PPFIA3: variants seen among roughly 807,000 people sequenced by gnomAD.
PPFIA3 encodes liprin-alpha-3.
In PPFIA3, 26 loss-of-function variants were observed where a neutral mutation model predicts 145.8. The observed-to-expected ratio is 0.18, with a 90% CI of 0.13 to 0.25. PPFIA3 has a LOEUF of 0.25. Among genes scored for constraint, PPFIA3 ranks in the 10% least tolerant of loss-of-function variants. The pLI is 1.00. For synonymous variants in PPFIA3, 645 were observed against 661.4 expected, an observed-to-expected ratio of 0.98 and a Z score of 0.38; for missense variants, 1,008 against 1,587.8, an observed-to-expected ratio of 0.63 and a Z score of 6.21.
intron 1 of PPFIA3, among the ~76,000 whole-genome samples, chr19:49,124,907 A>G (rs1193534054): frequency 6.6e-6 from 1 of 152,110 alleles, no homozygotes; most frequent in Non-Finnish European, 1.5e-5. Flanking sequence ...TACTAAACAT[A>G]CAAAAAATAA....
intron 1 of PPFIA3, among the ~76,000 whole-genome samples, chr19:49,125,941 T>TTGTA (rs2040991977): frequency 1.3e-5 from 2 of 149,240 alleles, no homozygotes; most frequent in East Asian, 3.9e-4. Context: ...TTGTTTTTTT[T>TTGTA]TGTTTGTTTG....
chr19:49,135,147 T>C (rs1215079448), intron 13 of PPFIA3, among the ~76,000 whole-genome samples: 1 of 152,086 alleles, frequency 6.6e-6, no homozygotes, highest in Non-Finnish European at 1.5e-5. Context: ...GTTCAAGCGA[T>C]TCTCGTGCCT....
At position 49,135,962 on chromosome 19, in the gene PPFIA3, T is replaced by C. The variant is rs893259689; in HGVS notation, c.1665+39T>C. The C allele has an allele frequency of 3.3e-6, 5 of 1,535,490 alleles. No homozygotes were observed. The African/African-American group carries it at 5.6e-5, about 17-fold the overall frequency. On this transcript the variant is annotated intron_variant, in intron 14 of 29. Transcript: ENST00000334186. ...TCTGGGTCCTGGACTGAGCAGGGCT[T>C]GGGCGGGCAGCTGTAGGAAGTGGAA...
chr19:49,128,610 C>A lies in PPFIA3; in HGVS notation c.342+142C>A, dbSNP rs1031676873. On this transcript the variant is annotated intron_variant, in intron 3 of 29. Coordinates refer to ENST00000334186, the MANE Select transcript of PPFIA3 (RefSeq NM_003660.4). This position sits in a 1 kb window ranked among gnomAD's most constrained non-coding sequence, Gnocchi z 4.1. Reference sequence around the variant, plus strand: ...TGTCTTCTCCTCTTCCCTGCTCCCACTTCCTGGCTGGTCTCCCACTCTGGT... The same window carrying A: ...TGTCTTCTCCTCTTCCCTGCTCCCAATTCCTGGCTGGTCTCCCACTCTGGT... The A allele has an allele frequency of 1.2e-6, 1 of 836,808 alleles. No homozygotes were observed. Among genetic ancestry groups the A allele is most frequent in the Non-Finnish European group, 1.9e-6 (1 of 531,780 alleles). The allele number at this position is 836,808 out of a possible 1,614,324, so 51.8% of individuals were successfully genotyped here.
chr19:49,129,869 C>A, intron 5 of PPFIA3, 124 bp from the exon 6 acceptor site: 1 of 992,450 alleles, frequency 1.0e-6, no homozygotes. Context: ...GTAGGCATGG[C>A]CCCAGCACGA....
intron 4 of PPFIA3, 70 bp from the exon 5 acceptor site, chr19:49,129,310 C>G: frequency 2.0e-6 from 3 of 1,496,024 alleles, no homozygotes; most frequent in Non-Finnish European, 9.0e-7. Flanking sequence ...CAGGGGTGTT[C>G]TGGACCAGGG....
chr19:49,134,277 C>A, intron 11 of PPFIA3, 112 bp downstream of exon 11: 2 of 1,401,452 alleles, frequency 1.4e-6, no homozygotes, highest in Non-Finnish European at 9.6e-7. Context: ...CTCCCTAAAC[C>A]CCGGCATCCT....
chr19:49,128,159 G>C lies in PPFIA3; in HGVS notation c.240+46G>C. ...GGGCATGAGGGGGCGGGGCCTCGGG[G>C]GGAAGAAGGCGGTCCGGAAGGGGCC... is the stretch of plus-strand genomic sequence containing the variant. On this transcript the variant is annotated intron_variant, in intron 2 of 29. Coordinates refer to ENST00000334186, the MANE Select transcript of PPFIA3 (RefSeq NM_003660.4). This position sits in a 1 kb window ranked among gnomAD's most constrained non-coding sequence, Gnocchi z 4.1. The C allele has an allele frequency of 6.8e-6, 10 of 1,475,332 alleles. No individual in the cohort carries two copies. The highest frequency in any genetic ancestry group is 9.0e-6 in the Non-Finnish European group (10 of 1,115,292). 91.4% of individuals were successfully genotyped at this position (1,475,332 alleles called of 1,614,324 possible).
chr19:49,128,836 G>T lies in PPFIA3; in HGVS notation c.343-12G>T, dbSNP rs755891945. ...TGCCTCTTTTCCTTGACCCCATGCC[G>T]TGTGCTTGCAGCTGCTCCTGGAACA... On this transcript the variant is annotated splice_polypyrimidine_tract_variant and intron_variant, in intron 3 of 29. Transcript: ENST00000334186. This position sits in a 1 kb window ranked among gnomAD's most constrained non-coding sequence, Gnocchi z 4.1. The T allele has an allele frequency of 1.4e-5, 22 of 1,583,454 alleles. No individual in the cohort carries two copies. Among genetic ancestry groups the T allele is most frequent in the Non-Finnish European group, 1.6e-5 (19 of 1,164,322 alleles).
chr19:49,128,658 C>A lies in PPFIA3; in HGVS notation c.342+190C>A. 1.3e-6 allele frequency: 1 copy of A among 750,180 alleles called. No individual in the cohort carries two copies. The highest frequency in any genetic ancestry group is 2.1e-6 in the Non-Finnish European group (1 of 469,100). 46.5% of individuals were successfully genotyped at this position (750,180 alleles called of 1,614,324 possible). ...GGTGCCACTCCTTCCTCCCTGTCTC[C>A]ATAACTTTTCTCTTTTCTGTACCAC... is the stretch of plus-strand genomic sequence containing the variant. On this transcript the variant is annotated intron_variant, in intron 3 of 29. Transcript: ENST00000334186. This position sits in a 1 kb window ranked among gnomAD's most constrained non-coding sequence, Gnocchi z 4.1.
Position 49,128,318 on chromosome 19 carries a change from CAG to C in PPFIA3, c.241-48_241-47del. The C allele has an allele frequency of 6.3e-7, 1 of 1,594,700 alleles. No individual in the cohort carries two copies. Among genetic ancestry groups the C allele is most frequent in the Non-Finnish European group, 8.6e-7 (1 of 1,162,782 alleles). Reference sequence around the variant, plus strand: ...TTCCAGTCCCAGTGAATGAAGGAGACAGGGAAAGGATTGAGCCGAATGTCCAG... The same window carrying C: ...TTCCAGTCCCAGTGAATGAAGGAGACGGAAAGGATTGAGCCGAATGTCCAG... On this transcript the variant is annotated intron_variant, in intron 2 of 29. Coordinates refer to ENST00000334186, the MANE Select transcript of PPFIA3 (RefSeq NM_003660.4). The surrounding 1 kb of genome is among the most constrained non-coding windows in gnomAD (Gnocchi z 4.1).
intron 21 of PPFIA3, among the ~76,000 whole-genome samples, chr19:49,144,253 C>T (rs147277554): frequency 1.3e-3 from 204 of 152,254 alleles, no homozygotes; most frequent in Non-Finnish European, 2.4e-3. Flanking sequence ...TCGTGATCCA[C>T]CTGCCTCAGC....
rs928651420 is a variant in PPFIA3 at position 49,149,980 on chromosome 19, A to T, written c.3527-100A>T. On this transcript the variant is annotated intron_variant, in intron 28 of 29. Coordinates refer to ENST00000334186, the MANE Select transcript of PPFIA3 (RefSeq NM_003660.4). This position sits in a 1 kb window ranked among gnomAD's most constrained non-coding sequence, Gnocchi z 5.7. ...AGGGAAACCCATGTGGAGCCCGGCG[A>T]TCGTTGTGACATCGGGAAGGGAAGT... 23 of 1,389,098 alleles carry T rather than the reference A, an allele frequency of 1.7e-5. No individual in the cohort carries two copies. In the African/African-American group the frequency reaches 2.3e-4, roughly 14 times the overall value. 86.0% of individuals were successfully genotyped at this position (1,389,098 alleles called of 1,614,324 possible).
rs2041001298 is a variant in PPFIA3 at position 49,126,528 on chromosome 19, G to A, written c.-15-1331G>A. ...GGCCTCCCAAAGTGCTGGGATTACA[G>A]GCATGAGCCACTGCGCCCAGTCCTG... On this transcript the variant is annotated intron_variant, in intron 1 of 29. Transcript: ENST00000334186. 2.0e-5 allele frequency among the ~76,000 whole-genome samples: 3 copies of A among 151,492 alleles called. No homozygotes were observed. In the South Asian group the frequency reaches 6.2e-4, roughly 32 times the overall value.
In PPFIA3 at chr19:49,135,778, G is replaced by C. The variant is rs1362148464; in HGVS notation, c.1521-1G>C. 6.2e-7 allele frequency: 1 copy of C among 1,607,866 alleles called. No homozygotes were observed. The highest frequency in any genetic ancestry group is 1.1e-5 in the South Asian group (1 of 90,402). On this transcript the variant is annotated splice_acceptor_variant, in intron 13 of 29. Transcript: ENST00000334186. LOFTEE classifies it high-confidence loss of function. ...TCTGACTGCTTTCCTCATGCCCACA[G>C]GTCTCTCCCTGGCAGTGCCCTGGAG...
intron 20 of PPFIA3, 119 bp downstream of exon 20, chr19:49,142,234 A>T: frequency 1.1e-6 from 1 of 949,404 alleles, no homozygotes; most frequent in African/African-American, 1.7e-5. Context: ...GGGGGTGGCC[A>T]TGGGCCTGGC....
chr19:49,128,437 C>G lies in PPFIA3; in HGVS notation c.311C>G (p.Ala104Gly). 1 of 1,607,404 alleles carries G rather than the reference C, an allele frequency of 6.2e-7. No homozygotes were observed. The highest frequency in any genetic ancestry group is 8.5e-7 in the Non-Finnish European group (1 of 1,178,964). ...EQLLEREEEI[A>G]ELKAERNNTR... ...CTGCTGGAGAGGGAGGAAGAGATTG[C>G]AGAGCTGAAGGCGGAACGGAACAAC... The change falls in exon 3 of 30, where the codon GCA becomes GGA. Residue 104 changes from alanine (A) to glycine (G), a missense_variant. This residue lies in a region of PPFIA3 where 108 missense variants were observed against 144.3 expected (regional missense o/e 0.75). Coordinates refer to ENST00000334186, the MANE Select transcript of PPFIA3 (RefSeq NM_003660.4). The surrounding 1 kb of genome is among the most constrained non-coding windows in gnomAD (Gnocchi z 4.1).
intron 11 of PPFIA3, 32 bp downstream of exon 11, chr19:49,134,197 G>A: frequency 6.4e-7 from 1 of 1,562,986 alleles, no homozygotes; most frequent in Non-Finnish European, 8.6e-7. Flanking sequence ...GCGGGACGCG[G>A]AATTCCGGGA....
intron 7 of PPFIA3, 146 bp from the exon 8 acceptor site, chr19:49,132,855 T>A: frequency 1.0e-6 from 1 of 1,003,050 alleles, no homozygotes; most frequent in East Asian, 2.6e-5. Context: ...GGACTTAAGA[T>A]GGGCTAGTCC....
Sources: gnomAD v4.1 joint callset for allele counts (sites outside exome capture counted in the v4.1 genomes callset) on GRCh38, gnomAD v4.1.1 for gene constraint, gnomAD v4.1.1 regional missense constraint, Gnocchi (gnomAD v3.1) non-coding constraint, MANE v1.5 for transcripts, NCBI Gene and HGNC (gene_info 2026-07-23, HGNC 2026-07-21) for gene names.